Variants in SETX observed in about 807,000 individuals in gnomAD.
SETX encodes helicase senataxin.
In SETX, 90 loss-of-function variants were observed where a neutral mutation model predicts 227.2. That is an observed-to-expected ratio of 0.40 (90% CI 0.33 to 0.47). The LOEUF is 0.47. Among genes scored for constraint, SETX ranks in the 20% least tolerant of loss-of-function variants. The pLI is 0.91. For synonymous variants in SETX, 1,210 were observed against 1,113.2 expected, an observed-to-expected ratio of 1.09 and a Z score of -1.73; for missense variants, 3,052 against 3,181.5, an observed-to-expected ratio of 0.96 and a Z score of 0.98.
Position 132,298,270 on chromosome 9 carries a change from T to C in SETX, c.5591A>G (p.Gln1864Arg), listed in dbSNP as rs375747001. ...GTTTAAATTGGCCGGAAAGTTCTCT[T>C]GAGTCTGGATGGAAAGGTAACACTC... is the stretch of plus-strand genomic sequence containing the variant. The part of the protein sequence containing the change: ...KTECYLSIQT[Q>R]ENFPANLNEL... The change falls in exon 13 of 26, where the codon CAA (glutamine) becomes CGA (arginine). Residue 1864 changes from glutamine to arginine, a missense_variant. By Grantham distance (43) the Gln-to-Arg change is conservative. Around this residue, in one of 10 missense-constraint regions of SETX, gnomAD observed 239 missense variants for 272.1 expected, o/e 0.88. Coordinates refer to ENST00000224140, the MANE Select transcript of SETX (RefSeq NM_015046.7). The C allele has an allele frequency of 6.2e-7, 1 of 1,614,104 alleles. No individual in the cohort carries two copies. Among genetic ancestry groups the C allele is most frequent in the Non-Finnish European group, 8.5e-7 (1 of 1,179,982 alleles).
intron 16 of SETX, 47 bp from the exon 17 acceptor site, chr9:132,288,398 C>T: frequency 6.8e-7 from 1 of 1,472,758 alleles, no homozygotes. Flanking sequence ...CTAATTCTAA[C>T]AAACTCACAC....
Position 132,300,660 on chromosome 9 carries a change from A to G in SETX, c.5518T>C (p.Tyr1840His), listed in dbSNP as rs756116727. The change falls in exon 12 of 26, where the codon TAT becomes CAT. Residue 1840 changes from tyrosine to histidine, a missense_variant. By Grantham distance (83) the Tyr-to-His change is moderately conservative (BLOSUM62 2). Coordinates refer to ENST00000224140, the MANE Select transcript of SETX (RefSeq NM_015046.7). ...GACGTGCGGCGAAATTTATGAACATAACCAGAATGATATTCGTGGAGATCT... is the reference window on the plus strand; with the variant it reads ...GACGTGCGGCGAAATTTATGAACATGACCAGAATGATATTCGTGGAGATCT... ...IQDLHEYHSG[Y>H]VHKFRRTSVM... 6.2e-7 allele frequency: 1 copy of G among 1,613,808 alleles called. No homozygotes were observed. The highest frequency in any genetic ancestry group is 1.1e-5 in the South Asian group (1 of 91,082).
chr9:132,336,772 G>T (rs368467636), intron 5 of SETX, among the ~76,000 whole-genome samples: 5 of 152,152 alleles, frequency 3.3e-5, no homozygotes, highest in Admixed American at 3.3e-4. Flanking sequence ...TGCAATAATA[G>T]TATTTTTCTG....
At chr9:132,286,826 C>T (rs947951822) in intron 17 of SETX, among the ~76,000 whole-genome samples, 1 of 152,236 alleles carries the variant, frequency 6.6e-6, no homozygotes, top group African/African-American at 2.4e-5. Context: ...CTAACACAGG[C>T]CTGGCCAATC....
chr9:132,304,378 C>T (rs1162777238), intron 11 of SETX, among the ~76,000 whole-genome samples: 1 of 151,842 alleles, frequency 6.6e-6, no homozygotes, highest in African/African-American at 2.4e-5. Flanking sequence ...GCAAGACCCT[C>T]AAAAGTGGAA....
intron 5 of SETX, among the ~76,000 whole-genome samples, chr9:132,336,891 T>C (rs1465834304): frequency 6.6e-6 from 1 of 152,050 alleles, no homozygotes; most frequent in African/African-American, 2.4e-5. Context: ...TGGCAAAACC[T>C]TGTCTCTACT....
intron 10 of SETX, among the ~76,000 whole-genome samples, chr9:132,321,789 G>A (rs372396138): frequency 2.0e-5 from 3 of 148,606 alleles, no homozygotes; most frequent in Non-Finnish European, 3.0e-5. Flanking sequence ...CAGAGGTTGC[G>A]GTGAGCCGAG....
chr9:132,337,846 T>C (rs1044171896), intron 5 of SETX, among the ~76,000 whole-genome samples: 1 of 152,158 alleles, frequency 6.6e-6, no homozygotes, highest in Non-Finnish European at 1.5e-5. Flanking sequence ...ATGAAATGCA[T>C]AGTATTTACA....
At chr9:132,326,094 G>A (rs1204699589) in intron 10 of SETX, among the ~76,000 whole-genome samples, 3 of 151,814 alleles carry the variant, frequency 2.0e-5, no homozygotes, top group African/African-American at 4.8e-5. Context: ...TTGAGACAGA[G>A]TCTCACTCTG....
intron 24 of SETX, among the ~76,000 whole-genome samples, chr9:132,270,398 T>C (rs1564470012): frequency 6.7e-6 from 1 of 148,534 alleles, no homozygotes; most frequent in Non-Finnish European, 1.5e-5. Context: ...TGACTCAGCA[T>C]GCCAGTGAGA....
chr9:132,268,529 G>A (rs188686185), intron 25 of SETX, among the ~76,000 whole-genome samples: 18 of 152,256 alleles, frequency 1.2e-4, no homozygotes, highest in African/African-American at 3.4e-4. Flanking sequence ...TGTGAGAGAG[G>A]TGTAGATCAG....
chr9:132,333,451 A>ACT, intron 7 of SETX, among the ~76,000 whole-genome samples: 1 of 145,676 alleles, frequency 6.9e-6, no homozygotes, highest in African/African-American at 2.5e-5. Context: ...ACACACACAC[A>ACT]CACACACGCC....
chr9:132,282,099 TA>T (rs796306023), intron 19 of SETX, among the ~76,000 whole-genome samples: 14 of 145,658 alleles, frequency 9.6e-5, no homozygotes, highest in Admixed American at 1.4e-4. Context: ...CAAACATGTC[TA>T]AAAAAAAAAT....
rs1351915963 is a variant in SETX at position 132,283,335 on chromosome 9, C to T, written c.6475G>A (p.Gly2159Ser). The change falls in exon 19 of 26, where the codon GGT becomes AGT. Residue 2159 changes from glycine (G) to serine (S), a missense_variant. Around this residue, in one of 10 missense-constraint regions of SETX, gnomAD observed 412 missense variants for 589.0 expected, o/e 0.70. Coordinates refer to ENST00000224140, the MANE Select transcript of SETX (RefSeq NM_015046.7). ...AAAGCAGACTCAAGTAGTAAACCAC[C>T]ACTTGTGCTCAACGTGCAGCAGATG... ...HIICCTLSTSGGLLLESAFRG... is the reference protein window; with the variant it reads ...HIICCTLSTSSGLLLESAFRG... The T allele has an allele frequency of 6.2e-7, 1 of 1,614,142 alleles. No homozygotes were observed. Among genetic ancestry groups the T allele is most frequent in the African/African-American group, 1.3e-5 (1 of 75,044 alleles).
At chr9:132,298,381 T>G (rs1298262477) in intron 12 of SETX, 69 bp from the exon 13 acceptor site, 2 of 1,244,020 alleles carry the variant, frequency 1.6e-6, no homozygotes, top group Admixed American at 3.4e-5. Flanking sequence ...GTAAAGGTCA[T>G]GCAGAATTAG....
rs769620847 is a variant in SETX at position 132,329,497 on chromosome 9, C to T, written c.2101G>A (p.Ala701Thr). ...GTACTTATTTTAATTTGATCTTCAGCTCTTTCAGTAAAAATGTTTTTACTA... is the reference window on the plus strand; with the variant it reads ...GTACTTATTTTAATTTGATCTTCAGTTCTTTCAGTAAAAATGTTTTTACTA... Reference protein sequence around the residue: ...QSSKNIFTERAEDQIKISTRK... With the variant: ...QSSKNIFTERTEDQIKISTRK... The change falls in exon 10 of 26, where the codon GCT becomes ACT. Residue 701 changes from alanine (A) to threonine (T), a missense_variant. Transcript: ENST00000224140. The T allele has an allele frequency of 6.8e-6, 11 of 1,612,414 alleles. No individual in the cohort carries two copies. Among genetic ancestry groups the T allele is most frequent in the Non-Finnish European group, 9.3e-6 (11 of 1,179,890 alleles).
intron 10 of SETX, among the ~76,000 whole-genome samples, chr9:132,320,667 C>T (rs1438596842): frequency 1.3e-5 from 2 of 149,868 alleles, no homozygotes; most frequent in Non-Finnish European, 3.0e-5. Flanking sequence ...CTGTATAAAC[C>T]AGAAATGCTT....
At chr9:132,318,237 T>C (rs1846110780) in intron 10 of SETX, among the ~76,000 whole-genome samples, 1 of 152,232 alleles carries the variant, frequency 6.6e-6, no homozygotes, top group Admixed American at 6.5e-5. Context: ...TTCTCCTTCT[T>C]GCTTCATGTT....
At chr9:132,303,182 TA>T (rs1845114663) in intron 11 of SETX, among the ~76,000 whole-genome samples, 1 of 151,882 alleles carries the variant, frequency 6.6e-6, no homozygotes, top group Non-Finnish European at 1.5e-5. Flanking sequence ...CATGCTCAGC[TA>T]ATTTTTTTTT....
Sources: allele counts gnomAD v4.1 joint callset (sites outside exome capture counted in the v4.1 genomes callset), GRCh38; gene constraint gnomAD v4.1.1; regional missense constraint gnomAD v4.1.1; transcripts MANE v1.5; gene names NCBI Gene and HGNC (gene_info 2026-07-23, HGNC 2026-07-21).